The following AGRN variants were observed in gnomAD, a reference collection of about 807,000 sequenced individuals.
AGRN encodes agrin proteoglycan.
In AGRN, 106 loss-of-function variants were observed where a neutral mutation model predicts 211.0. That is an observed-to-expected ratio of 0.50 (90% CI 0.43 to 0.59). The LOEUF (loss-of-function observed/expected upper bound fraction) is 0.59. AGRN is among the 20% of genes least tolerant of loss of function. The pLI, the probability that AGRN is intolerant of heterozygous loss-of-function variation, is 0.00. For synonymous variants in AGRN, 1,525 were observed against 1,332.5 expected (o/e 1.14, Z -3.15); for missense variants, 3,040 against 2,982.6 (o/e 1.02, Z -0.45).
Position 1,050,799 on chromosome 1 carries a change from C to G in AGRN, c.5215C>G (p.Arg1739Gly), listed in dbSNP as rs1361084400. Residue 1739 changes from arginine (R) to glycine (G), a missense_variant, in exon 30 of 36, where the codon CGT becomes GGT. Around this residue, in one of 3 missense-constraint regions of AGRN, gnomAD observed 1,537 missense variants for 1,505.0 expected, o/e 1.02. Coordinates refer to ENST00000379370, the MANE Select transcript of AGRN (RefSeq NM_198576.4). ...LERNGRKGAL[R>G]VGDGPRVLGE... ...GCGAAACGGCCGCAAGGGTGCCCTG[C>G]GTGTGGGCGACGGCCCCCGTGTGTT... 6.3e-7 allele frequency: 1 copy of G among 1,597,474 alleles called. No individual in the cohort carries two copies. The highest frequency in any genetic ancestry group is 1.7e-5 in the Admixed American group (1 of 58,636).
rs1460578627 is a variant in AGRN at position 1,050,413 on chromosome 1, C to T, written c.4977-14C>T. ...AGGGGACAGCAAAGACACCCCGACT[C>T]CCCATGACCCCAGGGAGAAGATGGC... On this transcript the variant is annotated splice_polypyrimidine_tract_variant and intron_variant, in intron 28 of 35. Transcript: ENST00000379370. 3.1e-6 allele frequency: 5 copies of T among 1,612,790 alleles called. No individual in the cohort carries two copies. The Admixed American group carries it at 5.0e-5, about 16-fold the overall frequency.
rs1644932495 is a variant in AGRN, at chr1:1,041,404, G to A, written c.952+7G>A. ...AAGTTCGACGGCCCTTGTGGTGAGC[G>A]CGGCGGCGGGCGCACGGCTCGAGCT... On this transcript the variant is annotated splice_region_variant and intron_variant, in intron 5 of 35. Transcript: ENST00000379370. 6 of 1,543,176 alleles carry A rather than the reference G, an allele frequency of 3.9e-6. No individual in the cohort carries two copies. The highest frequency in any genetic ancestry group is 2.0e-5 in the Admixed American group (1 of 51,188).
rs1645074389 is a variant in AGRN at position 1,045,813 on chromosome 1, G to T, written c.2617G>T (p.Ala873Ser). 3 of 1,612,812 alleles carry T rather than the reference G, an allele frequency of 1.9e-6. No individual in the cohort carries two copies. The highest frequency in any genetic ancestry group is 2.5e-6 in the Non-Finnish European group (3 of 1,179,944). ...GCTGTGCTCGTGTAAGCCCGGGGTG[G>T]CTGGACCCAAGTGTGGGCAGTGTCC... ...TGLCSCKPGV[A>S]GPKCGQCPDG... The change falls in exon 15 of 36, where the codon GCT becomes TCT. Residue 873 changes from alanine (A) to serine (S), a missense_variant. Physicochemically the swap from Ala to Ser is moderately conservative, Grantham distance 99. Transcript: ENST00000379370.
intron 1 of AGRN, 108 bp from the exon 2 acceptor site, chr1:1,022,093 C>T (rs1570130887): frequency 7.0e-7 from 1 of 1,423,962 alleles, no homozygotes; most frequent in Non-Finnish European, 9.8e-7. Context: ...CACATCTCTG[C>T]CCAGGGCTTG....
intron 2 of AGRN, 79 bp downstream of exon 2, chr1:1,022,541 T>C: frequency 1.4e-6 from 2 of 1,469,260 alleles, no homozygotes; most frequent in Non-Finnish European, 1.8e-6. Flanking sequence ...GGGGTCGCTG[T>C]GCGGGGTCCT....
intron 1 of AGRN, 91 bp from the exon 2 acceptor site, chr1:1,022,110 C>T: frequency 6.6e-7 from 1 of 1,515,148 alleles, no homozygotes; most frequent in Non-Finnish European, 9.1e-7. Flanking sequence ...CTTGAGTCTA[C>T]TGTGGACATT....
Position 1,047,331 on chromosome 1 carries a change from C to A in AGRN, c.3393C>A (p.Thr1131=), listed in dbSNP as rs1645126932. 1 of 1,601,688 alleles carries A rather than the reference C, an allele frequency of 6.2e-7. No individual in the cohort carries two copies. The highest frequency in any genetic ancestry group is 8.5e-7 in the Non-Finnish European group (1 of 1,174,796). Residue 1131 remains threonine, a synonymous_variant, in exon 20 of 36, where the codon ACC becomes ACA. Transcript: ENST00000379370. The part of the protein sequence containing the change: ...LDAEGSNCPA[T]KVFQGVLELE... ...CTCACTGTACCTCCCCCACAGCCACCAAGGTGTTCCAGGGCGTCCTGGAGC... is the reference window on the plus strand; with the variant it reads ...CTCACTGTACCTCCCCCACAGCCACAAAGGTGTTCCAGGGCGTCCTGGAGC...
chr1:1,035,456 G>C (rs112116228), intron 3 of AGRN, 132 bp downstream of exon 3: 10 of 1,262,594 alleles, frequency 7.9e-6, no homozygotes, highest in Admixed American at 1.7e-5. Flanking sequence ...GGGCACCTGC[G>C]TCTGTCCTGG....
At chr1:1,034,938 C>T (rs1053768704) in intron 2 of AGRN, 10 of 432,778 alleles carry the variant, frequency 2.3e-5, no homozygotes, top group African/African-American at 1.8e-4. Flanking sequence ...GGAGGGGCAG[C>T]CGGCTACACT....
chr1:1,045,540 A>C lies in AGRN; in HGVS notation c.2536+17A>C. ...GCTGTACACGTGAGTGACAGGGCCC[A>C]GGACTGGCCACCGGCTATGCCCTCC... On this transcript the variant is annotated intron_variant, in intron 14 of 35. Transcript: ENST00000379370. 2 of 1,611,898 alleles carry C rather than the reference A, an allele frequency of 1.2e-6. No homozygotes were observed. Among genetic ancestry groups the C allele is most frequent in the Non-Finnish European group, 1.7e-6 (2 of 1,179,476 alleles).
In AGRN at chr1:1,041,359, G is replaced by A; in HGVS notation, c.914G>A (p.Arg305His). ...CAGCTCCTGCGCCGCGCCTGCGCCCGCCAGGAGAATGTCTTCAAGAAGTTC... is the reference window on the plus strand; with the variant it reads ...CAGCTCCTGCGCCGCGCCTGCGCCCACCAGGAGAATGTCTTCAAGAAGTTC... ...ECQLLRRACA[R>H]QENVFKKFDG... Residue 305 changes from arginine (R) to histidine (H), a missense_variant, in exon 5 of 36, where the codon CGC (arginine) becomes CAC (histidine). Transcript: ENST00000379370. 2.6e-6 allele frequency: 4 copies of A among 1,534,942 alleles called. No homozygotes were observed. Among genetic ancestry groups the A allele is most frequent in the East Asian group, 4.8e-5 (2 of 41,582 alleles).
At chr1:1,026,030 G>A (rs1644514711) in intron 2 of AGRN, among the ~76,000 whole-genome samples, 4 of 152,136 alleles carry the variant, frequency 2.6e-5, no homozygotes, top group Admixed American at 2.6e-4. Context: ...GAGGTGGTGG[G>A]AGGGGTAGGG....
chr1:1,043,564 G>C lies in AGRN; in HGVS notation c.1630G>C (p.Ala544Pro). The change falls in exon 9 of 36, where the codon GCC (alanine) becomes CCC (proline). Residue 544 changes from alanine to proline, a missense_variant. Ala to Pro is a conservative substitution (Grantham distance 27). Around this residue, in one of 3 missense-constraint regions of AGRN, gnomAD observed 1,498 missense variants for 1,457.8 expected, o/e 1.03. Coordinates refer to ENST00000379370, the MANE Select transcript of AGRN (RefSeq NM_198576.4). ...CDRCGQCRFGALCEAETGRCV... is the reference protein window; with the variant it reads ...CDRCGQCRFGPLCEAETGRCV... Reference sequence around the variant, plus strand: ...CCGCTGCGGGCAGTGCCGCTTTGGAGCCCTGTGCGAGGCCGAGACCGGGCG... The same window carrying C: ...CCGCTGCGGGCAGTGCCGCTTTGGACCCCTGTGCGAGGCCGAGACCGGGCG... 6.2e-7 allele frequency: 1 copy of C among 1,605,178 alleles called. No individual in the cohort carries two copies. The highest frequency in any genetic ancestry group is 1.3e-5 in the African/African-American group (1 of 75,032).
chr1:1,030,362 CTGTG>C (rs1158155467), intron 2 of AGRN, among the ~76,000 whole-genome samples: 1 of 108,976 alleles, frequency 9.2e-6, no homozygotes, highest in Non-Finnish European at 1.8e-5. Flanking sequence ...GCGCATGGTG[CTGTG>C]TGAGATCAGC....
Position 1,047,994 on chromosome 1 carries a change from A to C in AGRN, c.3752-18A>C. ...GGCCCTGCTCCCAGGAAACCCTAAC[A>C]GCTCCCTGTGCCGGCAGACTGGTTT... On this transcript the variant is annotated intron_variant, in intron 22 of 35. Coordinates refer to ENST00000379370, the MANE Select transcript of AGRN (RefSeq NM_198576.4). 6.4e-7 allele frequency: 1 copy of C among 1,571,826 alleles called. No individual in the cohort carries two copies. Among genetic ancestry groups the C allele is most frequent in the Non-Finnish European group, 8.6e-7 (1 of 1,160,050 alleles).
At chr1:1,049,509 C>T (rs562648258) in intron 25 of AGRN, 57 bp from the exon 26 acceptor site, 101 of 1,596,008 alleles carry the variant, frequency 6.3e-5, no homozygotes, top group African/African-American at 1.7e-4. Context: ...TCCCGGTGTA[C>T]GAGGTGGCTT....
intron 17 of AGRN, 29 bp from the exon 18 acceptor site, chr1:1,046,368 T>A: frequency 6.3e-7 from 1 of 1,596,952 alleles, no homozygotes; most frequent in Non-Finnish European, 8.6e-7. Context: ...TCCCAACCGG[T>A]CCCCCCGCCA....
rs940969982 is a variant in AGRN, at chr1:1,032,926, G to T, written c.464-2351G>T. On this transcript the variant is annotated intron_variant, in intron 2 of 35. Transcript: ENST00000379370. The surrounding 1 kb of genome is among the most constrained non-coding windows in gnomAD (Gnocchi z 4.7). ...GGATGGTGCACACACCGGACCGGAC[G>T]GGCCCCTCCCTTACCCCCGGATCCC... Among the ~76,000 whole-genome samples the T allele has an allele frequency of 6.6e-6, 1 of 152,036 alleles. No homozygotes were observed.
chr1:1,045,931 G>A (rs201176258), intron 15 of AGRN, 33 bp from the exon 16 acceptor site: 85 of 1,611,910 alleles, frequency 5.3e-5, no homozygotes, highest in Middle Eastern at 1.6e-4. Context: ...GGGGTCACCC[G>A]AGCCACAGAG....
Sources: gnomAD v4.1 joint callset for allele counts (sites outside exome capture counted in the v4.1 genomes callset) on GRCh38, gnomAD v4.1.1 for gene constraint, gnomAD v4.1.1 regional missense constraint, Gnocchi (gnomAD v3.1) non-coding constraint, MANE v1.5 for transcripts, NCBI Gene and HGNC (gene_info 2026-07-23, HGNC 2026-07-21) for gene names.